Variants in ANXA8 observed in about 807,000 individuals in gnomAD.
ANXA8 encodes the protein annexin A8.
A neutral mutation model predicts 26.8 loss-of-function variants in ANXA8; 9 were observed. That is an observed-to-expected ratio of 0.34 (90% CI 0.20 to 0.59). ANXA8 has a LOEUF of 0.59. Ranked by LOEUF, ANXA8 falls within the 20% of genes least tolerant of loss-of-function variation. The probability of loss-of-function intolerance (pLI) is 0.84; values close to 1 mark genes in which losing one functional copy is unlikely to be tolerated. For missense variants in ANXA8, 83 were observed against 238.5 expected (o/e 0.35, Z 4.29); for synonymous variants, 39 against 94.8 (o/e 0.41, Z 3.42).
At chr10:47,779,111 C>CTGAG in the ANXA8 span, among the ~76,000 whole-genome samples, 4 of 142,456 alleles carry the variant, frequency 2.8e-5, no homozygotes, top group Non-Finnish European at 6.1e-5. Flanking sequence ...GGTCTGAAAA[C>CTGAG]TTTTTAAACT....
At chr10:47,474,536 T>A in intron 7 of ANXA8, 138 bp from the exon 8 acceptor site, 1 of 575,306 alleles carries the variant, frequency 1.7e-6, no homozygotes, top group Non-Finnish European at 2.9e-6. Context: ...CTTGGTCGTC[T>A]CTGACAGGGA....
the ANXA8 span, chr10:47,510,027 A>G: frequency 1.4e-6 from 2 of 1,446,698 alleles, no homozygotes; most frequent in Non-Finnish European, 1.8e-6. Flanking sequence ...ATTAAAAGAG[A>G]AACTGATACT....
chr10:47,939,417 C>A, the ANXA8 span, among the ~76,000 whole-genome samples: 2 of 145,050 alleles, frequency 1.4e-5, 1 homozygote, highest in East Asian at 4.3e-4. Flanking sequence ...GAAATCTCCT[C>A]TTCCCTTAGC....
chr10:47,696,298 T>C, the ANXA8 span: 18 of 408,762 alleles, frequency 4.4e-5, no homozygotes, highest in Admixed American at 8.7e-5. Context: ...GATCTCTAGT[T>C]GCTTGGTATA....
At chr10:47,667,177 T>G in the ANXA8 span, among the ~76,000 whole-genome samples, 1 of 152,054 alleles carries the variant, frequency 6.6e-6, no homozygotes, top group African/African-American at 2.4e-5. Context: ...TCTCCTCTTA[T>G]GTCTTCCTGT....
chr10:47,761,102 GCACACACACA>G, the ANXA8 span, among the ~76,000 whole-genome samples: 1 of 145,494 alleles, frequency 6.9e-6, no homozygotes, highest in African/African-American at 2.6e-5. Flanking sequence ...ACACACACAC[GCACACACACA>G]CACACACACA....
At chr10:47,663,604 T>C in the ANXA8 span, among the ~76,000 whole-genome samples, 1 of 130,234 alleles carries the variant, frequency 7.7e-6, no homozygotes, top group Non-Finnish European at 1.6e-5. Flanking sequence ...GGCTGGTCTC[T>C]AACTCCTGGG....
the ANXA8 span, among the ~76,000 whole-genome samples, chr10:47,530,245 C>A: frequency 7.0e-6 from 1 of 142,254 alleles, no homozygotes; most frequent in African/African-American, 2.6e-5. Context: ...AGGTTTGAGT[C>A]TGAACTGCTA....
rs1350983046 is a variant in ANXA8 at position 47,483,957 on chromosome 10, TC to T, written c.-25del. On this transcript the variant is annotated 5_prime_UTR_variant, in exon 1 of 12. Coordinates refer to ENST00000585281, the MANE Select transcript of ANXA8 (RefSeq NM_001040084.3). ...ATCTCTTTCACCTCGGGGGCACCTT[TC>T]CCAGGGAGATGAAGAGACACAGGTT... The T allele has an allele frequency of 5.0e-6, 8 of 1,611,546 alleles. No individual in the cohort carries two copies. Among genetic ancestry groups the T allele is most frequent in the Admixed American group, 1.7e-5 (1 of 59,972 alleles).
the ANXA8 span, among the ~76,000 whole-genome samples, chr10:47,756,776 G>A: frequency 0.16 from 22,092 of 141,650 alleles, 5 homozygotes; most frequent in East Asian, 0.35. Context: ...TGCAGCTCCT[G>A]TATTCTGGGA....
the ANXA8 span, among the ~76,000 whole-genome samples, chr10:47,907,229 T>C: frequency 1.3e-5 from 2 of 151,718 alleles, no homozygotes; most frequent in Non-Finnish European, 2.9e-5. Context: ...TGGTGGCGGG[T>C]GCTTGTAGTC....
At chr10:47,748,093 G>A in the ANXA8 span, among the ~76,000 whole-genome samples, 1 of 152,106 alleles carries the variant, frequency 6.6e-6, no homozygotes, top group Admixed American at 6.5e-5. Flanking sequence ...AGGAAGATGG[G>A]GCAGAAGGAA....
the ANXA8 span, among the ~76,000 whole-genome samples, chr10:47,749,455 G>A: frequency 6.7e-6 from 1 of 149,162 alleles, no homozygotes; most frequent in Non-Finnish European, 1.5e-5. Context: ...TGTCTCGTTA[G>A]GTGTAAAATA....
chr10:47,976,448 C>T, the ANXA8 span, among the ~76,000 whole-genome samples: 3 of 151,426 alleles, frequency 2.0e-5, no homozygotes, highest in African/African-American at 7.3e-5. Flanking sequence ...TGGCTCACTC[C>T]TATAATCCTA....
chr10:47,990,789 G>C, the ANXA8 span, among the ~76,000 whole-genome samples: 13 of 128,734 alleles, frequency 1.0e-4, no homozygotes, highest in Non-Finnish European at 1.7e-4. Flanking sequence ...TGGGAGGAAA[G>C]GAAAAGGGTG....
the ANXA8 span, among the ~76,000 whole-genome samples, chr10:47,490,098 C>A: frequency 6.6e-6 from 1 of 150,740 alleles, no homozygotes; most frequent in Non-Finnish European, 1.5e-5. Context: ...ACACCCCTCT[C>A]AGGATGTGCT....
the ANXA8 span, among the ~76,000 whole-genome samples, chr10:47,762,316 C>G: frequency 1.3e-5 from 2 of 150,426 alleles, no homozygotes; most frequent in Non-Finnish European, 3.0e-5. Flanking sequence ...TGCTCAGACG[C>G]TGGGTTCCAA....
At chr10:47,949,615 C>T in the ANXA8 span, among the ~76,000 whole-genome samples, 9 of 150,766 alleles carry the variant, frequency 6.0e-5, no homozygotes, top group East Asian at 1.8e-3. Flanking sequence ...GTAATGATAG[C>T]ATGATGGACA....
At chr10:47,686,438 C>T in the ANXA8 span, among the ~76,000 whole-genome samples, 1 of 151,764 alleles carries the variant, frequency 6.6e-6, no homozygotes, top group Non-Finnish European at 1.5e-5. Context: ...GCTTGAACTC[C>T]TGACCTCAGG....
Sources: gnomAD v4.1 joint callset for allele counts (sites outside exome capture counted in the v4.1 genomes callset) on GRCh38, gnomAD v4.1.1 for gene constraint, MANE v1.5 for transcripts, NCBI Gene and HGNC (gene_info 2026-07-23, HGNC 2026-07-21) for gene names.